PPM1B: variants seen among roughly 807,000 people sequenced by gnomAD.
PPM1B encodes protein phosphatase, Mg2+/Mn2+ dependent 1B.
In PPM1B, 22 loss-of-function variants were observed where a neutral mutation model predicts 43.0. That is an observed-to-expected ratio of 0.51 (90% confidence interval 0.37 to 0.73). PPM1B has a LOEUF of 0.73. Ranked by LOEUF, PPM1B falls within the 30% of genes least tolerant of loss-of-function variation. The pLI is 0.00. For missense variants in PPM1B, 632 were observed against 584.2 expected, an observed-to-expected ratio of 1.08 and a Z score of -0.84; for synonymous variants, 217 against 197.9, an observed-to-expected ratio of 1.10 and a Z score of -0.81.
At position 44,201,577 on chromosome 2, in the gene PPM1B, G is replaced by C. The variant is rs147796326; in HGVS notation, c.378G>C (p.Gly126=). Reference sequence around the variant, plus strand: ...GTAACTTTTCAGACCTCAGAAACGGGATGGACAGGAGTGGTTCAACTGCAG... The same window carrying C: ...GTAACTTTTCAGACCTCAGAAACGGCATGGACAGGAGTGGTTCAACTGCAG... ...YMRNFSDLRN[G]MDRSGSTAVG... Residue 126 remains glycine (G), a synonymous_variant, in exon 2 of 6, where the codon GGG becomes GGC. Transcript: ENST00000282412. The surrounding 1 kb of genome is among the most constrained non-coding windows in gnomAD (Gnocchi z 5.4). 4.3e-4 allele frequency: 686 copies of C among 1,614,082 alleles called. 2 individuals are homozygous for C. The highest frequency in any genetic ancestry group is 5.5e-4 in the Non-Finnish European group (652 of 1,180,048).
chr2:44,177,987 G>A (rs1490409160), intron 1 of PPM1B, among the ~76,000 whole-genome samples: 1 of 136,564 alleles, frequency 7.3e-6, no homozygotes, highest in Non-Finnish European at 1.5e-5. Flanking sequence ...GCTCAATCTT[G>A]GCTCACTGCA....
intron 1 of PPM1B, among the ~76,000 whole-genome samples, chr2:44,182,011 A>G (rs996127771): frequency 6.6e-6 from 1 of 152,230 alleles, no homozygotes; most frequent in Non-Finnish European, 1.5e-5. Context: ...AACTGTTAAG[A>G]GTTTCCAGAA....
chr2:44,240,880 TGA>T lies in PPM1B; in HGVS notation n.1547-3347_1547-3346del, dbSNP rs1423952128. ...CGCAGTGAGCTGTCTCTTAATACTTTGAAAACATGATGCTGAGAGAAAGCAAG... is the reference window on the plus strand; with the variant it reads ...CGCAGTGAGCTGTCTCTTAATACTTTAAACATGATGCTGAGAGAAAGCAAG... On this transcript the variant is annotated intron_variant and non_coding_transcript_variant, in intron 5 of 5. Transcript: ENST00000378540. 2.0e-5 allele frequency among the ~76,000 whole-genome samples: 3 copies of T among 146,412 alleles called. 1 individual carries two copies. Among genetic ancestry groups the T allele is most frequent in the Non-Finnish European group, 3.1e-5 (2 of 65,546 alleles).
At chr2:44,233,333 A>G (rs1472176105), downstream of PPM1B, 1 of 980,588 alleles carries the variant, frequency 1.0e-6, no homozygotes, top group East Asian at 1.1e-4. Context: ...GGGTTCAGTA[A>G]CTTTTCATTT....
chr2:44,245,820 C>T (rs776402227), downstream of PPM1B, among the ~76,000 whole-genome samples: 1 of 152,160 alleles, frequency 6.6e-6, no homozygotes, highest in Admixed American at 6.5e-5. Context: ...GCAATCCTGC[C>T]AAAAACTCCT....
At chr2:44,236,887 G>T (rs560950414), downstream of PPM1B, among the ~76,000 whole-genome samples, 3 of 152,312 alleles carry the variant, frequency 2.0e-5, no homozygotes, top group East Asian at 5.8e-4. Context: ...AACGTGATAA[G>T]ATTTCTTGTG....
At chr2:44,210,448 G>A (rs942649492) in intron 3 of PPM1B, among the ~76,000 whole-genome samples, 1 of 151,936 alleles carries the variant, frequency 6.6e-6, no homozygotes, top group African/African-American at 2.4e-5. Context: ...TCAAACTCCT[G>A]GACTCAAGCA....
downstream of PPM1B, among the ~76,000 whole-genome samples, chr2:44,236,402 CAAAAAAA>C (rs61414038): frequency 0.31 from 14,915 of 47,504 alleles, 1,712 homozygotes; most frequent in South Asian, 0.52. Flanking sequence ...GACTCCGTCT[CAAAAAAA>C]AAAAAAAAAA....
At chr2:44,209,395 C>G (rs754216708) in intron 3 of PPM1B, 68 bp downstream of exon 3, 1 of 1,519,510 alleles carries the variant, frequency 6.6e-7, no homozygotes, top group Admixed American at 2.1e-5. Flanking sequence ...AATCCTAGCA[C>G]TTTTGTCGCC....
chr2:44,192,190 G>GGTATGGTATTGTATTGTATT (rs1553329839), intron 1 of PPM1B, among the ~76,000 whole-genome samples: 1 of 143,642 alleles, frequency 7.0e-6, no homozygotes, highest in African/African-American at 2.6e-5. Flanking sequence ...GTTATGTTAT[G>GGTATGGTATTGTATTGTATT]GTATTGTATT....
At chr2:44,217,652 A>G (rs1056967882) in intron 3 of PPM1B, among the ~76,000 whole-genome samples, 2 of 152,236 alleles carry the variant, frequency 1.3e-5, no homozygotes, top group African/African-American at 2.4e-5. Context: ...CATTTCACTC[A>G]ATGGCTACAC....
At chr2:44,239,535 C>A (rs1273171248), downstream of PPM1B, among the ~76,000 whole-genome samples, 1 of 152,060 alleles carries the variant, frequency 6.6e-6, no homozygotes, top group Non-Finnish European at 1.5e-5. Context: ...CATATAGTCT[C>A]TAATTTTTTT....
chr2:44,188,251 G>A (rs1380427786), intron 1 of PPM1B, among the ~76,000 whole-genome samples: 2 of 152,058 alleles, frequency 1.3e-5, no homozygotes, highest in Non-Finnish European at 2.9e-5. Context: ...GTTATTCTAT[G>A]GAAGCCAGAT....
chr2:44,212,094 A>T (rs775683569), intron 3 of PPM1B, among the ~76,000 whole-genome samples: 2 of 152,102 alleles, frequency 1.3e-5, no homozygotes, highest in Admixed American at 6.6e-5. Flanking sequence ...GCAAGGAAAA[A>T]TGTTCTTTTC....
intron 3 of PPM1B, among the ~76,000 whole-genome samples, chr2:44,211,121 G>C (rs1010824523): frequency 6.6e-6 from 1 of 152,104 alleles, no homozygotes; most frequent in Non-Finnish European, 1.5e-5. Context: ...GGATGACAGA[G>C]CAAGACTCCA....
intron 5 of PPM1B, among the ~76,000 whole-genome samples, chr2:44,242,203 T>C (rs1009923228): frequency 2.0e-5 from 3 of 152,180 alleles, no homozygotes; most frequent in African/African-American, 7.2e-5. Context: ...CGTAGTTTAA[T>C]TGGCAGCATT....
intron 1 of PPM1B, among the ~76,000 whole-genome samples, chr2:44,194,897 G>A (rs1179931200): frequency 7.3e-6 from 1 of 136,868 alleles, no homozygotes; most frequent in Admixed American, 7.2e-5. Context: ...CCAGTCTTTT[G>A]CTTTTTTTTT....
intron 1 of PPM1B, among the ~76,000 whole-genome samples, chr2:44,182,750 C>G (rs1385769379): frequency 6.6e-6 from 1 of 152,028 alleles, no homozygotes; most frequent in East Asian, 1.9e-4. Flanking sequence ...ATTTTTCATA[C>G]TTTTTTTCTT....
intron 1 of PPM1B, among the ~76,000 whole-genome samples, chr2:44,186,800 G>A (rs1363673600): frequency 2.0e-5 from 3 of 152,298 alleles, no homozygotes; most frequent in Non-Finnish European, 2.9e-5. Context: ...GAGAAGTCTC[G>A]TGCTATTTGG....
Sources: gnomAD v4.1 joint callset for allele counts (sites outside exome capture counted in the v4.1 genomes callset) on GRCh38, gnomAD v4.1.1 for gene constraint, Gnocchi (gnomAD v3.1) non-coding constraint, MANE v1.5 for transcripts, NCBI Gene and HGNC (gene_info 2026-07-23, HGNC 2026-07-21) for gene names.